The following SLC44A5 variants were observed in gnomAD, a reference collection of about 807,000 sequenced individuals.
SLC44A5 encodes choline transporter-like protein 5.
A neutral mutation model predicts 101.8 loss-of-function variants in SLC44A5; 57 were observed. That is an observed-to-expected ratio of 0.56 (90% CI 0.45 to 0.70). SLC44A5 has a LOEUF of 0.70. Ranked by LOEUF, SLC44A5 falls within the 30% of genes least tolerant of loss-of-function variation. The probability of loss-of-function intolerance (pLI) is 0.00; values close to 1 mark genes in which losing one functional copy is unlikely to be tolerated. For missense variants in SLC44A5, 737 were observed against 853.1 expected (o/e 0.86, Z 1.70); for synonymous variants, 281 against 290.9 (o/e 0.97, Z 0.35).
At chr1:75,456,926 G>A (rs1038669361) in intron 2 of SLC44A5, among the ~76,000 whole-genome samples, 6 of 152,032 alleles carry the variant, frequency 3.9e-5, no homozygotes, top group Non-Finnish European at 7.4e-5. Context: ...AACTATCTAC[G>A]GACATCCCCA....
intron 2 of SLC44A5, among the ~76,000 whole-genome samples, chr1:75,447,023 C>A (rs534903992): frequency 1.3e-5 from 2 of 152,274 alleles, no homozygotes; most frequent in South Asian, 4.1e-4. Context: ...TAAGAAAGCA[C>A]AGGCCTGTGG....
intron 4 of SLC44A5, among the ~76,000 whole-genome samples, chr1:75,328,354 G>A (rs891311790): frequency 2.0e-5 from 3 of 152,094 alleles, no homozygotes; most frequent in Admixed American, 6.5e-5. Context: ...ACAGGAATAC[G>A]GTAAGACAGA....
the SLC44A5 span, among the ~76,000 whole-genome samples, chr1:75,719,415 G>A: frequency 6.6e-6 from 1 of 151,942 alleles, no homozygotes; most frequent in African/African-American, 2.4e-5. Context: ...AATTTATTTT[G>A]CAAATAAATT....
rs58294702 is a variant in SLC44A5, at chr1:75,326,095, CGTGTGTGT to C, written c.101+13479_101+13486del. 1.4e-3 allele frequency among the ~76,000 whole-genome samples: 191 copies of C among 140,350 alleles called. 1 individual carries two copies. Among genetic ancestry groups the C allele is most frequent in the Middle Eastern group, 7.9e-3 (2 of 252 alleles). 92.1% of individuals were successfully genotyped at this position (140,350 alleles called of 152,430 possible). On this transcript the variant is annotated intron_variant, in intron 4 of 23. Transcript: ENST00000370859. ...CAGATAGTGATGTGCTCTCTCTCTCCGTGTGTGTGTGTGTGTGTGTGTGTGTGTGTATA... is the reference window on the plus strand; with the variant it reads ...CAGATAGTGATGTGCTCTCTCTCTCCGTGTGTGTGTGTGTGTGTGTGTATA...
chr1:75,710,060 A>T, the SLC44A5 span: 1 of 152,236 alleles, frequency 6.6e-6, no homozygotes, highest in Non-Finnish European at 1.5e-5. Context: ...CTACAGTGAC[A>T]GAAGCAGATC....
At chr1:75,286,383 T>G (rs1169376069) in intron 5 of SLC44A5, among the ~76,000 whole-genome samples, 1 of 152,158 alleles carries the variant, frequency 6.6e-6, no homozygotes, top group Non-Finnish European at 1.5e-5. Flanking sequence ...GGTGAGTCTC[T>G]TGAAGATAGC....
intron 4 of SLC44A5, among the ~76,000 whole-genome samples, chr1:75,320,082 A>C (rs979221716): frequency 8.5e-5 from 13 of 152,266 alleles, no homozygotes; most frequent in African/African-American, 3.1e-4. Flanking sequence ...AAATGTGTTT[A>C]TTATACATAA....
intron 5 of SLC44A5, among the ~76,000 whole-genome samples, chr1:75,295,306 T>C (rs1653882753): frequency 6.6e-6 from 1 of 152,242 alleles, no homozygotes. Flanking sequence ...ATCTTTGTTC[T>C]TCAGAAGGTC....
At chr1:75,322,515 T>C (rs770402559) in intron 4 of SLC44A5, among the ~76,000 whole-genome samples, 38 of 152,162 alleles carry the variant, frequency 2.5e-4, no homozygotes, top group Non-Finnish European at 2.8e-4. Context: ...GATAAAGGAA[T>C]TGAGAGAAAA....
chr1:75,268,284 C>A (rs1651171253), intron 6 of SLC44A5, among the ~76,000 whole-genome samples: 1 of 152,142 alleles, frequency 6.6e-6, no homozygotes, highest in Non-Finnish European at 1.5e-5. Context: ...CTGGTCTTCA[C>A]ATCTCAGTTC....
intron 2 of SLC44A5, among the ~76,000 whole-genome samples, chr1:75,484,207 A>G (rs1386798168): frequency 6.6e-6 from 1 of 152,146 alleles, no homozygotes; most frequent in Non-Finnish European, 1.5e-5. Flanking sequence ...TCAAAAGTCC[A>G]AGTTCTGAGA....
chr1:75,403,094 G>A (rs111886347), intron 2 of SLC44A5, among the ~76,000 whole-genome samples: 2,042 of 152,268 alleles, frequency 0.013, 45 homozygotes, highest in African/African-American at 0.047. Context: ...TTCGAACTGG[G>A]TGGAGCCCAC....
intron 2 of SLC44A5, among the ~76,000 whole-genome samples, chr1:75,416,923 T>A (rs1663686687): frequency 6.6e-6 from 1 of 152,194 alleles, no homozygotes; most frequent in Admixed American, 6.5e-5. Context: ...TTACTTGCTT[T>A]TGATTTTACA....
At chr1:75,296,719 G>A (rs112297920) in intron 5 of SLC44A5, among the ~76,000 whole-genome samples, 12 of 151,936 alleles carry the variant, frequency 7.9e-5, no homozygotes, top group African/African-American at 2.7e-4. Context: ...CAAAACTCAC[G>A]GGGTTTCTGA....
chr1:75,543,126 T>C (rs948318966), intron 1 of SLC44A5, among the ~76,000 whole-genome samples: 14 of 152,304 alleles, frequency 9.2e-5, no homozygotes, highest in African/African-American at 3.4e-4. Context: ...CAGTTAGTAT[T>C]GTATGTTTTC....
In SLC44A5 at chr1:75,254,043, CT is replaced by C. The variant is rs562073781; in HGVS notation, c.261-2750del. 1.3e-3 allele frequency among the ~76,000 whole-genome samples: 190 copies of C among 146,446 alleles called. 1 individual carries two copies. The highest frequency in any genetic ancestry group is 7.6e-3 in the South Asian group (35 of 4,598). ...ATTCTCAAATTTCAGGGGACCACAA[CT>C]TTTTTTTTTTTTAGACGGTTTCTCA... On this transcript the variant is annotated intron_variant, in intron 6 of 23. Transcript: ENST00000370859.
chr1:75,221,269 A>C (rs987716769), intron 14 of SLC44A5, among the ~76,000 whole-genome samples: 39 of 152,320 alleles, frequency 2.6e-4, no homozygotes, highest in Admixed American at 1.8e-3. Flanking sequence ...GTTCTTGGTC[A>C]TTAACAATGT....
rs577151175 is a variant in SLC44A5, at chr1:75,280,918, T to C, written c.176-5876A>G. On this transcript the variant is annotated intron_variant, in intron 5 of 23. Transcript: ENST00000370859. The stretch of plus-strand genomic sequence containing the variant: ...AATTACACAGTCTCAGGTGTGTCTT[T>C]ATTAGCAGCATGAGAACAGAATAAT... 2.6e-5 allele frequency among the ~76,000 whole-genome samples: 4 copies of C among 152,242 alleles called. No individual in the cohort carries two copies. In the South Asian group the frequency reaches 8.3e-4, roughly 32 times the overall value.
the SLC44A5 span, among the ~76,000 whole-genome samples, chr1:75,639,321 T>G: frequency 6.6e-6 from 1 of 152,126 alleles, no homozygotes; most frequent in Non-Finnish European, 1.5e-5. Context: ...TGTAATTTTA[T>G]CTGTCAATTT....
Sources: gnomAD v4.1 joint callset for allele counts (sites outside exome capture counted in the v4.1 genomes callset) on GRCh38, gnomAD v4.1.1 for gene constraint, MANE v1.5 for transcripts, NCBI Gene and HGNC (gene_info 2026-07-23, HGNC 2026-07-21) for gene names.